The following TNS3 variants were observed in gnomAD, a reference collection of about 807,000 sequenced individuals.
TNS3 encodes the protein tensin 3, also known as tensin-3.
In TNS3, 45 loss-of-function variants were observed where a neutral mutation model predicts 140.9. The ratio of observed to expected loss-of-function variants is 0.32; its 90% CI spans 0.25 to 0.41. The LOEUF is 0.41. Among genes scored for constraint, TNS3 ranks in the 10% least tolerant of loss-of-function variants. The pLI, the probability that TNS3 is intolerant of heterozygous loss-of-function variation, is 1.00. For missense variants in TNS3, 1,716 were observed against 1,906.7 expected, an observed-to-expected ratio of 0.90 and a Z score of 1.86; for synonymous variants, 815 against 788.4, an observed-to-expected ratio of 1.03 and a Z score of -0.56.
chr7:47,398,926 T>C (rs1342907822), intron 15 of TNS3, among the ~76,000 whole-genome samples: 1 of 151,722 alleles, frequency 6.6e-6, no homozygotes, highest in East Asian at 1.9e-4. Flanking sequence ...TAGAAAACAA[T>C]AAAAACTCCT....
At chr7:47,481,785 G>C (rs577539830) in intron 3 of TNS3, 10 of 851,094 alleles carry the variant, frequency 1.2e-5, no homozygotes, top group Non-Finnish European at 1.4e-5. Context: ...AGTCAGGAGA[G>C]GCAGTTAGTA....
At chr7:47,520,244 T>C (rs535860177) in intron 2 of TNS3, among the ~76,000 whole-genome samples, 1 of 152,160 alleles carries the variant, frequency 6.6e-6, no homozygotes, top group East Asian at 1.9e-4. Context: ...GAATCAGAAG[T>C]TGCCACTTGG....
chr7:47,384,251 G>A (rs994368875), intron 16 of TNS3, among the ~76,000 whole-genome samples: 8 of 152,368 alleles, frequency 5.3e-5, no homozygotes, highest in African/African-American at 1.9e-4. Flanking sequence ...CCGTCCCAGG[G>A]GGTCTCTGGA....
At chr7:47,366,840 C>T (rs1432339364) in intron 17 of TNS3, among the ~76,000 whole-genome samples, 1 of 152,184 alleles carries the variant, frequency 6.6e-6, no homozygotes, top group African/African-American at 2.4e-5. Flanking sequence ...GCCAGCACAC[C>T]TAAACCAAGA....
intron 5 of TNS3, among the ~76,000 whole-genome samples, chr7:47,441,680 C>T (rs1283149788): frequency 6.6e-6 from 1 of 152,166 alleles, no homozygotes; most frequent in African/African-American, 2.4e-5. Context: ...CTCAGGGCCC[C>T]CCTCATCTGC....
rs1793527520 is a variant in TNS3 at position 47,407,750 on chromosome 7, TG to T, written c.723+3976del. Among the ~76,000 whole-genome samples, 1 of 152,022 alleles carries T rather than the reference TG, an allele frequency of 6.6e-6. No individual in the cohort carries two copies. Among genetic ancestry groups the T allele is most frequent in the Non-Finnish European group, 1.5e-5 (1 of 67,992 alleles). On this transcript the variant is annotated intron_variant, in intron 13 of 30. Coordinates refer to ENST00000311160, the MANE Select transcript of TNS3 (RefSeq NM_022748.12). This position sits in a 1 kb window ranked among gnomAD's most constrained non-coding sequence, Gnocchi z 4.1. ...TAACTGGTGTCCTTGTAAGAAGAGA[TG>T]AGGACATAGACACACAGAGGGAAGC...
At chr7:47,530,548 G>C (rs1023819460) in intron 1 of TNS3, among the ~76,000 whole-genome samples, 4 of 151,870 alleles carry the variant, frequency 2.6e-5, no homozygotes, top group Non-Finnish European at 5.9e-5. Flanking sequence ...TCTTGGCCAG[G>C]CTCGGTGGCT....
At chr7:47,345,631 T>C (rs1356517269) in intron 18 of TNS3, among the ~76,000 whole-genome samples, 1 of 152,184 alleles carries the variant, frequency 6.6e-6, no homozygotes, top group Non-Finnish European at 1.5e-5. Flanking sequence ...TTTACATCCA[T>C]TCTGACTAGA....
At chr7:47,503,000 G>A (rs1454419856) in intron 3 of TNS3, among the ~76,000 whole-genome samples, 1 of 152,156 alleles carries the variant, frequency 6.6e-6, no homozygotes, top group Non-Finnish European at 1.5e-5. Context: ...GGTGGTAGGA[G>A]GTTCTGTGTT....
chr7:47,437,291 C>A lies in TNS3; in HGVS notation c.173G>T (p.Arg58Ile). ...TGGGTTAAGCTTCGTAAGGTCATAT[C>A]TCTTTTCTGAAAGGTTTAATACCTA... ...NYLVLNLSEK[R>I]YDLTKLNPKI... is the part of the protein sequence containing the mutation. The change falls in exon 7 of 31, where the codon AGA becomes ATA. Residue 58 changes from arginine to isoleucine, a missense_variant. By Grantham distance (97) the Arg-to-Ile change is moderately conservative (BLOSUM62 -3). This residue lies in a region of TNS3 where 337 missense variants were observed against 428.9 expected (regional missense o/e 0.79). Coordinates refer to ENST00000311160, the MANE Select transcript of TNS3 (RefSeq NM_022748.12). The A allele has an allele frequency of 6.4e-7, 1 of 1,551,440 alleles. No individual in the cohort carries two copies.
chr7:47,435,563 C>T (rs888345067), intron 7 of TNS3, among the ~76,000 whole-genome samples, 159 bp from the exon 8 acceptor site: 1 of 152,188 alleles, frequency 6.6e-6, no homozygotes, highest in East Asian at 1.9e-4. Flanking sequence ...GATCAACTTC[C>T]TTCACTGGGA....
intron 4 of TNS3, among the ~76,000 whole-genome samples, chr7:47,454,776 CA>C (rs1358478940): frequency 6.6e-6 from 1 of 152,186 alleles, no homozygotes; most frequent in African/African-American, 2.4e-5. Context: ...CAGAGCCAGG[CA>C]GGGGGCTCCC....
At chr7:47,302,911 G>C (rs1461538730) in intron 22 of TNS3, 39 bp downstream of exon 22, 2 of 1,558,276 alleles carry the variant, frequency 1.3e-6, no homozygotes, top group African/African-American at 2.7e-5. Flanking sequence ...CCAGTGAATG[G>C]ACAGAGGGGC....
chr7:47,359,440 A>G (rs1316529835), intron 17 of TNS3, among the ~76,000 whole-genome samples: 1 of 152,172 alleles, frequency 6.6e-6, no homozygotes, highest in African/African-American at 2.4e-5. Context: ...TCCCTTTGGG[A>G]TGACGACAAA....
At chr7:47,285,100 G>C (rs2150566828) in intron 27 of TNS3, among the ~76,000 whole-genome samples, 1 of 152,350 alleles carries the variant, frequency 6.6e-6, no homozygotes, top group African/African-American at 2.4e-5. Flanking sequence ...CAGGTGGTCT[G>C]ACAGGTGTGC....
rs139312638 is a variant in TNS3 at position 47,346,333 on chromosome 7, C to T, written c.2305G>A (p.Gly769Ser). 1 of 1,614,182 alleles carries T rather than the reference C, an allele frequency of 6.2e-7. No homozygotes were observed. Among genetic ancestry groups the T allele is most frequent in the African/African-American group, 1.3e-5 (1 of 75,052 alleles). ...AGGCTCAGCTTCCTGAGTCTCCCGC[C>T]CAGGGGCTGTTCAGCAGAGGAGCCT... ...RQGSSAEQPL[G>S]GRLRKLSLGQ... The change falls in exon 18 of 31, where the codon GGC (glycine) becomes AGC (serine). Residue 769 changes from glycine to serine, a missense_variant. Gly to Ser is a moderately conservative substitution (Grantham distance 56). Transcript: ENST00000311160.
intron 27 of TNS3, among the ~76,000 whole-genome samples, chr7:47,284,470 A>G (rs1479294714): frequency 2.0e-5 from 3 of 152,136 alleles, no homozygotes; most frequent in Non-Finnish European, 2.9e-5. Flanking sequence ...GTCCCTGACC[A>G]TCTCCTCTTG....
intron 1 of TNS3, chr7:47,557,093 C>T (rs771779938): frequency 5.3e-5 from 24 of 456,662 alleles, no homozygotes; most frequent in Non-Finnish European, 1.0e-4. Context: ...GTGATGCATC[C>T]GAATCCTGAT....
intron 4 of TNS3, among the ~76,000 whole-genome samples, chr7:47,449,064 T>C (rs1460792498): frequency 2.0e-5 from 3 of 152,176 alleles, no homozygotes; most frequent in Non-Finnish European, 2.9e-5. Context: ...TCACTGCAGA[T>C]TGTCCCTGAG....
Sources: allele counts gnomAD v4.1 joint callset (sites outside exome capture counted in the v4.1 genomes callset), GRCh38; gene constraint gnomAD v4.1.1; regional missense constraint gnomAD v4.1.1; non-coding constraint Gnocchi (gnomAD v3.1); transcripts MANE v1.5; gene names NCBI Gene and HGNC (gene_info 2026-07-23, HGNC 2026-07-21).